MAP1LC3A: variants seen among roughly 807,000 people sequenced by gnomAD.
MAP1LC3A encodes microtubule-associated protein 1 light chain 3 alpha.
Under a neutral mutation model 15.2 loss-of-function variants are expected in MAP1LC3A, and 10 were observed. The ratio of observed to expected loss-of-function variants is 0.66; its 90% CI spans 0.41 to 1.12. The LOEUF is 1.12. Ranked by LOEUF, MAP1LC3A falls within the 50% of genes most tolerant of loss-of-function variation. MAP1LC3A has a pLI of 0.00. For synonymous variants in MAP1LC3A, 63 were observed against 64.3 expected (o/e 0.98, Z 0.10); for missense variants, 138 against 167.3 (o/e 0.82, Z 0.97).
rs1033921112 is a variant in MAP1LC3A, at chr20:34,559,154, G to A, written c.41-54G>A. 46 of 1,479,842 alleles carry A rather than the reference G, an allele frequency of 3.1e-5. No homozygotes were observed. The African/African-American group carries it at 3.4e-4, about 11-fold the overall frequency. 91.7% of individuals were successfully genotyped at this position (1,479,842 alleles called of 1,614,324 possible). A position where few individuals can be genotyped will look rare whatever the true frequency, so the allele number is the denominator to read the frequency against. On this transcript the variant is annotated intron_variant, in intron 1 of 3. Transcript: ENST00000360668. ...CGGGGGCCGCCCCTCCGGGACAGGC[G>A]GGGCGGACCTGGGCCGGCCCGACCC...
upstream of MAP1LC3A, chr20:34,558,192 T>A: frequency 3.1e-6 from 3 of 975,778 alleles, no homozygotes; most frequent in Non-Finnish European, 3.7e-6. This position sits in a 1 kb window ranked among gnomAD's most constrained non-coding sequence, Gnocchi z 4.3. Context: ...TTTTCTGCCT[T>A]CTCACCTCAT....
rs765348329 is a variant in MAP1LC3A at position 34,559,254 on chromosome 20, C to T, written c.87C>T (p.Ser29=). The change falls in exon 2 of 4, where the codon AGC becomes AGT. Residue 29 remains serine, a synonymous_variant. Transcript: ENST00000360668. ...EVQQIRDQHP[S]KIPVIIERYK... ...AGCAGATCCGCGACCAGCACCCCAG[C>T]AAAATCCCGGTGAGTCCCGCACCCC... 1 of 1,605,402 alleles carries T rather than the reference C, an allele frequency of 6.2e-7. No homozygotes were observed. The highest frequency in any genetic ancestry group is 8.5e-7 in the Non-Finnish European group (1 of 1,176,900).
chr20:34,547,334 G>A (rs1701531885), intron 1 of MAP1LC3A, among the ~76,000 whole-genome samples: 1 of 151,632 alleles, frequency 6.6e-6, no homozygotes, highest in African/African-American at 2.4e-5. Flanking sequence ...TGTGCTGGGT[G>A]AGGAAGGGAA....
At chr20:34,552,611 GCTCTTA>G (rs1236899467) in intron 2 of MAP1LC3A, among the ~76,000 whole-genome samples, 9 of 152,264 alleles carry the variant, frequency 5.9e-5, no homozygotes, top group African/African-American at 2.2e-4. Context: ...TCAGCCCTTG[GCTCTTA>G]CTCTAAGAGG....
chr20:34,552,563 G>A (rs752576366), intron 2 of MAP1LC3A, among the ~76,000 whole-genome samples: 5 of 152,240 alleles, frequency 3.3e-5, no homozygotes, highest in African/African-American at 4.8e-5. Flanking sequence ...GAGGAGTAGC[G>A]GGGAGGCAGA....
intron 1 of MAP1LC3A, among the ~76,000 whole-genome samples, chr20:34,549,199 T>C (rs955930235): frequency 1.3e-5 from 2 of 151,910 alleles, no homozygotes; most frequent in African/African-American, 4.8e-5. Context: ...CTAATTTTTG[T>C]ATTTTTAGTA....
rs1181487515 is a variant in MAP1LC3A, at chr20:34,559,230, G to A, written c.63G>A (p.Gln21=). 6.2e-7 allele frequency: 1 copy of A among 1,605,046 alleles called. No homozygotes were observed. The highest frequency in any genetic ancestry group is 8.5e-7 in the Non-Finnish European group (1 of 1,176,856). The change falls in exon 2 of 4, where the codon CAG becomes CAA. Residue 21 remains glutamine, a synonymous_variant. Coordinates refer to ENST00000360668, the MANE Select transcript of MAP1LC3A (RefSeq NM_032514.4). ...RSFADRCKEV[Q]QIRDQHPSKI... ...CAGCCGACCGCTGTAAGGAGGTACAGCAGATCCGCGACCAGCACCCCAGCA... is the reference window on the plus strand; with the variant it reads ...CAGCCGACCGCTGTAAGGAGGTACAACAGATCCGCGACCAGCACCCCAGCA...
At chr20:34,547,347 G>A (rs934258074) in intron 1 of MAP1LC3A, among the ~76,000 whole-genome samples, 3 of 151,342 alleles carry the variant, frequency 2.0e-5, no homozygotes, top group Non-Finnish European at 4.4e-5. Flanking sequence ...GAAGGGAAGT[G>A]ACTGGATAGA....
At chr20:34,552,543 C>T (rs1157411334) in intron 2 of MAP1LC3A, among the ~76,000 whole-genome samples, 7 of 152,200 alleles carry the variant, frequency 4.6e-5, no homozygotes, top group Admixed American at 3.9e-4. Flanking sequence ...CTAGAGTAGC[C>T]AGGAGGCCAG....
Position 34,559,418 on chromosome 20 carries a change from C to G in MAP1LC3A, c.168C>G (p.Asp56Glu), listed in dbSNP as rs897762735. Residue 56 changes from aspartate (D) to glutamate (E), a missense_variant, in exon 3 of 4, where the codon GAC (aspartate) becomes GAG (glutamate). Transcript: ENST00000360668. ...ACAAGACCAAGTTTTTGGTCCCGGA[C>G]CATGTCAACATGAGCGAGTTGGTCA... ...VLDKTKFLVP[D>E]HVNMSELVKI... 1 of 1,613,320 alleles carries G rather than the reference C, an allele frequency of 6.2e-7. No individual in the cohort carries two copies. Among genetic ancestry groups the G allele is most frequent in the South Asian group, 1.1e-5 (1 of 90,916 alleles).
In MAP1LC3A at chr20:34,560,080, T is replaced by G. The variant is rs1982389926; in HGVS notation, c.*182T>G. The G allele has an allele frequency of 5.2e-6, 3 of 576,990 alleles. No individual in the cohort carries two copies. The highest frequency in any genetic ancestry group is 9.0e-6 in the Non-Finnish European group (3 of 335,106). 35.7% of individuals were successfully genotyped at this position (576,990 alleles called of 1,614,324 possible). On this transcript the variant is annotated 3_prime_UTR_variant, in exon 4 of 4. Transcript: ENST00000360668. Reference sequence around the variant, plus strand: ...TGGGTGGATCCTGGGCCGGTCGTGTTAGGGTTGTCCCTCTGGGTGCTGGCT... The same window carrying G: ...TGGGTGGATCCTGGGCCGGTCGTGTGAGGGTTGTCCCTCTGGGTGCTGGCT...
intron 1 of MAP1LC3A, among the ~76,000 whole-genome samples, chr20:34,548,774 C>T (rs564143595): frequency 9.9e-5 from 15 of 151,568 alleles, no homozygotes; most frequent in Non-Finnish European, 1.0e-4. Context: ...GGCACAATCT[C>T]GACTCACTAA....
In MAP1LC3A at chr20:34,559,327, C is replaced by A; in HGVS notation, c.97-20C>A. ...CGCGCGTTCCCGACACGACCCCCTG[C>A]CCGCCCGCCCTGCTCCCAGGTGATC... On this transcript the variant is annotated intron_variant, in intron 2 of 3. Coordinates refer to ENST00000360668, the MANE Select transcript of MAP1LC3A (RefSeq NM_032514.4). 7.1e-7 allele frequency: 1 copy of A among 1,406,722 alleles called. No homozygotes were observed. The highest frequency in any genetic ancestry group is 1.0e-6 in the Non-Finnish European group (1 of 1,001,936). The allele number at this position is 1,406,722 out of a possible 1,614,324, so 87.1% of individuals were successfully genotyped here.
At position 34,558,864 on chromosome 20, in the gene MAP1LC3A, G is replaced by T; in HGVS notation, c.-5G>T. 7.0e-7 allele frequency: 1 copy of T among 1,438,418 alleles called. No homozygotes were observed. Among genetic ancestry groups the T allele is most frequent in the Non-Finnish European group, 9.1e-7 (1 of 1,101,836 alleles). 89.1% of individuals were successfully genotyped at this position (1,438,418 alleles called of 1,614,324 possible). The stretch of plus-strand genomic sequence containing the variant: ...CCGGCCTGCGCGCCCAGCCGGGCCC[G>T]CGCGATGCCCTCAGACCGGCCTTTC... On this transcript the variant is annotated 5_prime_UTR_variant, in exon 1 of 4. Transcript: ENST00000360668. This position sits in a 1 kb window ranked among gnomAD's most constrained non-coding sequence, Gnocchi z 4.3.
intron 1 of MAP1LC3A, among the ~76,000 whole-genome samples, chr20:34,547,969 G>A (rs1393924728): frequency 6.6e-6 from 1 of 152,166 alleles, no homozygotes; most frequent in East Asian, 1.9e-4. Flanking sequence ...GCTTCTGCAG[G>A]GGAGGCACAC....
Position 34,560,037 on chromosome 20 carries a change from AC to A in MAP1LC3A, c.*142del. ...GTGCCCCCCTAGTCAGAGGGCACCA[AC>A]CCACCTACTCTGCCCCTGGGTGGAT... On this transcript the variant is annotated 3_prime_UTR_variant, in exon 4 of 4. Transcript: ENST00000360668. 1 of 698,384 alleles carries A rather than the reference AC, an allele frequency of 1.4e-6. No homozygotes were observed. Among genetic ancestry groups the A allele is most frequent in the Non-Finnish European group, 2.2e-6 (1 of 460,868 alleles). The allele number at this position is 698,384 out of a possible 1,614,324, so 43.3% of individuals were successfully genotyped here. A position where few individuals can be genotyped will look rare whatever the true frequency, so the allele number is the denominator to read the frequency against.
chr20:34,552,195 G>A (rs976655996), intron 2 of MAP1LC3A, among the ~76,000 whole-genome samples: 3 of 152,078 alleles, frequency 2.0e-5, no homozygotes, highest in Non-Finnish European at 4.4e-5. Context: ...ACGGGGTTTC[G>A]CCAGGTTGGC....
intron 1 of MAP1LC3A, among the ~76,000 whole-genome samples, chr20:34,547,451 G>A (rs902017667): frequency 6.9e-6 from 1 of 145,580 alleles, no homozygotes; most frequent in African/African-American, 2.6e-5. Context: ...AATAGAGACA[G>A]GGTCTGGTTA....
Position 34,559,190 on chromosome 20 carries a change from T to TCTGGCCG in MAP1LC3A, c.41-14_41-8dup, listed in dbSNP as rs1982310747. The TCTGGCCG allele has an allele frequency of 1.3e-6, 2 of 1,573,180 alleles. No individual in the cohort carries two copies. Among genetic ancestry groups the TCTGGCCG allele is most frequent in the Non-Finnish European group, 1.7e-6 (2 of 1,161,984 alleles). ...GGGCCGGCCCGACCCGGCCTCACGG[T>TCTGGCCG]CTGGCCGCTGTCCGCAGCCGACCGC... is the stretch of plus-strand genomic sequence containing the variant. On this transcript the variant is annotated splice_polypyrimidine_tract_variant and intron_variant, in intron 1 of 3. Coordinates refer to ENST00000360668, the MANE Select transcript of MAP1LC3A (RefSeq NM_032514.4).
Sources: allele counts gnomAD v4.1 joint callset (sites outside exome capture counted in the v4.1 genomes callset), GRCh38; gene constraint gnomAD v4.1.1; non-coding constraint Gnocchi (gnomAD v3.1); transcripts MANE v1.5; gene names NCBI Gene and HGNC (gene_info 2026-07-23, HGNC 2026-07-21).